The following CHL1 variants were observed in gnomAD, a reference collection of about 807,000 sequenced individuals.
CHL1 encodes the protein neural cell adhesion molecule L1-like protein.
A neutral mutation model predicts 141.9 loss-of-function variants in CHL1; 96 were observed. The ratio of observed to expected loss-of-function variants is 0.68; its 90% confidence interval spans 0.57 to 0.80. The LOEUF (loss-of-function observed/expected upper bound fraction) is 0.80, where lower values mean the gene tolerates loss of function less well. Ranked by LOEUF, CHL1 falls within the 30% of genes least tolerant of loss-of-function variation. The pLI, the probability that CHL1 is intolerant of heterozygous loss-of-function variation, is 0.00. For synonymous variants in CHL1, 613 were observed against 502.2 expected (o/e 1.22, Z -2.95); for missense variants, 1,820 against 1,457.2 (o/e 1.25, Z -4.05).
chr3:270,653 A>T (rs937565396), intron 2 of CHL1, among the ~76,000 whole-genome samples: 1 of 152,248 alleles, frequency 6.6e-6, no homozygotes, highest in Admixed American at 6.5e-5. Flanking sequence ...ACAATAATTT[A>T]TTTTGCTCAC....
At chr3:224,659 A>T (rs1701160525) in intron 1 of CHL1, among the ~76,000 whole-genome samples, 1 of 152,170 alleles carries the variant, frequency 6.6e-6, no homozygotes, top group African/African-American at 2.4e-5. Flanking sequence ...ATGCTTGTAC[A>T]GCTTGAAGAA....
In CHL1 at chr3:302,298, C is replaced by T. The variant is rs529844295; in HGVS notation, c.-94-17385C>T. 2.0e-5 allele frequency among the ~76,000 whole-genome samples: 3 copies of T among 152,300 alleles called. 1 individual carries two copies. In the South Asian group the frequency reaches 6.2e-4, roughly 32 times the overall value. On this transcript the variant is annotated intron_variant, in intron 2 of 27. Coordinates refer to ENST00000256509, the MANE Select transcript of CHL1 (RefSeq NM_006614.4). Reference sequence around the variant, plus strand: ...GCTGGGTCAAATGGTATTTCTAGTTCTGCATCCTTAAGGAATTGCCACACT... The same window carrying T: ...GCTGGGTCAAATGGTATTTCTAGTTTTGCATCCTTAAGGAATTGCCACACT...
chr3:295,497 A>G (rs1698107352), intron 2 of CHL1, among the ~76,000 whole-genome samples: 1 of 152,162 alleles, frequency 6.6e-6, no homozygotes, highest in East Asian at 1.9e-4. Context: ...GTAACATGAA[A>G]TGATGTTAAG....
chr3:379,905 C>T (rs1490131740), intron 16 of CHL1, among the ~76,000 whole-genome samples: 1 of 152,082 alleles, frequency 6.6e-6, no homozygotes, highest in African/African-American at 2.4e-5. Context: ...TTCTAAAAGA[C>T]TATGTTTTAC....
chr3:273,720 T>C (rs563115194), intron 2 of CHL1, among the ~76,000 whole-genome samples: 1 of 152,348 alleles, frequency 6.6e-6, no homozygotes, highest in South Asian at 2.1e-4. Flanking sequence ...ATATCTCTTA[T>C]GAATGCTTCT....
chr3:253,149 A>C (rs1693852198), intron 2 of CHL1, among the ~76,000 whole-genome samples: 1 of 152,132 alleles, frequency 6.6e-6, no homozygotes, highest in South Asian at 2.1e-4. Flanking sequence ...GTTTATTTTT[A>C]ATAGACACAT....
intron 1 of CHL1, among the ~76,000 whole-genome samples, chr3:208,256 T>C (rs1699607632): frequency 1.3e-5 from 2 of 152,170 alleles, no homozygotes; most frequent in South Asian, 4.1e-4. Context: ...TAATAAACCA[T>C]TTTTTCTGCA....
chr3:376,358 C>T (rs778507486), intron 15 of CHL1: 5 of 511,142 alleles, frequency 9.8e-6, no homozygotes, highest in Admixed American at 6.0e-5. Context: ...ATGGCCCTTG[C>T]CCCATCTCCA....
At position 391,241 on chromosome 3, in the gene CHL1, A is replaced by C. The variant is rs1197750190; in HGVS notation, c.2791+82A>C. ...TAAACATTCTTCCTTATGGCCAGGC[A>C]CAGTGGCTCATGCCTGTAAATCCCA... On this transcript the variant is annotated intron_variant, in intron 22 of 27. Coordinates refer to ENST00000256509, the MANE Select transcript of CHL1 (RefSeq NM_006614.4). The C allele has an allele frequency of 7.2e-6, 8 of 1,116,554 alleles. No individual in the cohort carries two copies. The East Asian group carries it at 1.9e-4, about 27-fold the overall frequency. The allele number at this position is 1,116,554 out of a possible 1,614,324, so 69.2% of individuals were successfully genotyped here.
chr3:337,275 C>T (rs1322824599), intron 5 of CHL1, among the ~76,000 whole-genome samples: 2 of 150,380 alleles, frequency 1.3e-5, no homozygotes, highest in Non-Finnish European at 3.0e-5. Flanking sequence ...ACTGCAAGCT[C>T]CGCCTCCCGG....
Position 405,751 on chromosome 3 carries a change from C to A in CHL1, c.*40C>A. ...AGCAACGCTACTGGTTCACCCCAAC[C>A]TTCCATATTTATCTGTTCAAAGGAG... On this transcript the variant is annotated 3_prime_UTR_variant, in exon 28 of 28. Coordinates refer to ENST00000256509, the MANE Select transcript of CHL1 (RefSeq NM_006614.4). 1.4e-6 allele frequency: 2 copies of A among 1,460,772 alleles called. No individual in the cohort carries two copies. The highest frequency in any genetic ancestry group is 9.6e-7 in the Non-Finnish European group (1 of 1,042,698). The allele number at this position is 1,460,772 out of a possible 1,614,324, so 90.5% of individuals were successfully genotyped here. A position where few individuals can be genotyped will look rare whatever the true frequency, so the allele number is the denominator to read the frequency against.
intron 7 of CHL1, 105 bp downstream of exon 7, chr3:342,187 A>G (rs1702396464): frequency 3.9e-6 from 4 of 1,015,744 alleles, no homozygotes; most frequent in Admixed American, 5.0e-5. Context: ...ATTTTGCACC[A>G]TTGTGCAGTT....
rs772770186 is a variant in CHL1 at position 405,551 on chromosome 3, A to G, written c.3515A>G (p.Gln1172Arg). 6.2e-7 allele frequency: 1 copy of G among 1,613,508 alleles called. No homozygotes were observed. The change falls in exon 28 of 28, where the codon CAG becomes CGG. Residue 1172 changes from glutamine (Q) to arginine (R), a missense_variant. Transcript: ENST00000256509. Reference protein sequence around the residue: ...GSLRSLNRDMQPTESADSLVE... With the variant: ...GSLRSLNRDMRPTESADSLVE... ...CTTCGGTCCCTTAATAGGGATATGC[A>G]GCCTACTGAAAGTGCTGACAGCTTA... is the stretch of plus-strand genomic sequence containing the variant.
intron 1 of CHL1, among the ~76,000 whole-genome samples, chr3:225,336 G>C (rs1327213550): frequency 1.3e-5 from 2 of 152,138 alleles, no homozygotes; most frequent in South Asian, 2.1e-4. Context: ...ATGATTAATA[G>C]ACAAACAATA....
At chr3:382,841 G>C in intron 18 of CHL1, 170 bp downstream of exon 18, 2 of 626,354 alleles carry the variant, frequency 3.2e-6, no homozygotes, top group Non-Finnish European at 5.5e-6. Flanking sequence ...AGTTTCAGAA[G>C]TGTTACATAC....
At chr3:392,819 C>A (rs962066366) in intron 23 of CHL1, among the ~76,000 whole-genome samples, 1 of 152,184 alleles carries the variant, frequency 6.6e-6, no homozygotes, top group Non-Finnish European at 1.5e-5. Flanking sequence ...ATAATCCCAA[C>A]GGAAGTAGAC....
intron 19 of CHL1, chr3:384,531 A>G (rs1310701233): frequency 6.6e-6 from 1 of 152,138 alleles, no homozygotes; most frequent in African/African-American, 2.4e-5. Context: ...AGACTTCACC[A>G]TTTGAATTTT....
chr3:374,311 C>G (rs924952439), intron 15 of CHL1, among the ~76,000 whole-genome samples: 4 of 152,050 alleles, frequency 2.6e-5, no homozygotes, highest in Non-Finnish European at 5.9e-5. Flanking sequence ...CTAAAGGCTA[C>G]GCTTTGCAAT....
At chr3:246,193 A>T (rs76660477) in intron 2 of CHL1, among the ~76,000 whole-genome samples, 12,622 of 152,110 alleles carry the variant, frequency 0.083, 637 homozygotes, top group African/African-American at 0.13. Flanking sequence ...TACCCAGGGT[A>T]TTAAATTTTA....
Sources: gnomAD v4.1 joint callset for allele counts (sites outside exome capture counted in the v4.1 genomes callset) on GRCh38, gnomAD v4.1.1 for gene constraint, MANE v1.5 for transcripts, NCBI Gene and HGNC (gene_info 2026-07-23, HGNC 2026-07-21) for gene names.